The following ABCB5 variants were observed in gnomAD, a reference collection of about 807,000 sequenced individuals.
The protein encoded by ABCB5 is ATP-binding cassette sub-family B member 5.
In ABCB5, 155 loss-of-function variants were observed where a neutral mutation model predicts 144.2. The ratio of observed to expected loss-of-function variants is 1.08; its 90% CI spans 0.94 to 1.23. ABCB5 has a LOEUF of 1.23. Among genes scored for constraint, ABCB5 ranks in the 50% most tolerant of loss-of-function variants. The pLI is 0.00. For synonymous variants in ABCB5, 610 were observed against 528.6 expected, an observed-to-expected ratio of 1.15 and a Z score of -2.11; for missense variants, 1,830 against 1,520.8, an observed-to-expected ratio of 1.20 and a Z score of -3.38.
intron 26 of ABCB5, among the ~76,000 whole-genome samples, chr7:20,750,842 C>T (rs936811649): frequency 6.6e-6 from 1 of 152,048 alleles, no homozygotes; most frequent in African/African-American, 2.4e-5. Flanking sequence ...TAGAAATATC[C>T]CACAGGCATT....
At position 20,637,330 on chromosome 7, in the gene ABCB5, C is replaced by G. The variant is rs570043261; in HGVS notation, c.314+5217C>G. Among the ~76,000 whole-genome samples the G allele has an allele frequency of 4.6e-5, 7 of 152,210 alleles. No individual in the cohort carries two copies. In the East Asian group the frequency reaches 1.3e-3, roughly 29 times the overall value. ...CTAAAAATAGTTGAATCTTTTCTTG[C>G]TGACTCCAGACTGAAATGACTAAAT... On this transcript the variant is annotated intron_variant, in intron 5 of 27. Transcript: ENST00000404938.
intron 23 of ABCB5, among the ~76,000 whole-genome samples, chr7:20,733,495 A>G (rs551044736): frequency 6.6e-6 from 1 of 152,204 alleles, no homozygotes; most frequent in South Asian, 2.1e-4. Flanking sequence ...TAACTATCAG[A>G]ACATATGAAG....
rs869158355 is a variant in ABCB5 at position 20,681,058 on chromosome 7, CTCTTTCTTTCTTTCTTTCTT to C, written c.1708-397_1708-378del. On this transcript the variant is annotated intron_variant, in intron 14 of 27. Coordinates refer to ENST00000404938, the MANE Select transcript of ABCB5 (RefSeq NM_001163941.2). Reference sequence around the variant, plus strand: ...TCTCTTTCTTTCTTTCTCTCTCTCTCTCTTTCTTTCTTTCTTTCTTTCTTTCTTTCTTTCTTTCTTTCTTT... The same window carrying C: ...TCTCTTTCTTTCTTTCTCTCTCTCTCTCTTTCTTTCTTTCTTTCTTTCTTT... 4.2e-4 allele frequency among the ~76,000 whole-genome samples: 20 copies of C among 47,588 alleles called. 1 individual carries two copies. The highest frequency in any genetic ancestry group is 2.9e-3 in the South Asian group (3 of 1,030). The allele number at this position is 47,588 out of a possible 152,430, so 31.2% of individuals were successfully genotyped here. A position where few individuals can be genotyped will look rare whatever the true frequency, so the allele number is the denominator to read the frequency against.
chr7:20,628,985 T>C (rs1783971524), intron 4 of ABCB5, 147 bp downstream of exon 4: 1 of 904,392 alleles, frequency 1.1e-6, no homozygotes, highest in Admixed American at 3.1e-5. Flanking sequence ...GCCATATTGC[T>C]GGGCACTAAA....
chr7:20,710,724 T>C (rs1787000618), intron 20 of ABCB5, among the ~76,000 whole-genome samples: 1 of 150,046 alleles, frequency 6.7e-6, no homozygotes, highest in South Asian at 2.2e-4. Context: ...AGGCAGCATA[T>C]AAGTCTCTTT....
intron 20 of ABCB5, among the ~76,000 whole-genome samples, chr7:20,713,202 C>G (rs1781552812): frequency 6.8e-6 from 1 of 147,930 alleles, no homozygotes; most frequent in African/African-American, 2.5e-5. Context: ...TTATCCTTAT[C>G]ATAGGTCTTA....
At chr7:20,755,081 C>G (rs796379067) in intron 27 of ABCB5, among the ~76,000 whole-genome samples, 19 of 152,234 alleles carry the variant, frequency 1.2e-4, no homozygotes, top group African/African-American at 4.6e-4. Context: ...TCCCAAATAG[C>G]TCGGATTACA....
At chr7:20,729,967 T>C (rs74896705) in intron 23 of ABCB5, among the ~76,000 whole-genome samples, 1,963 of 152,348 alleles carry the variant, frequency 0.013, 34 homozygotes, top group African/African-American at 0.04. Context: ...CAAAAGACAT[T>C]TAAACCTAAG....
intron 5 of ABCB5, among the ~76,000 whole-genome samples, chr7:20,637,314 G>A (rs148291973): frequency 1.3e-5 from 2 of 152,196 alleles, no homozygotes; most frequent in East Asian, 3.9e-4. Flanking sequence ...TCTAAAAATA[G>A]TTGAATCTTT....
At chr7:20,689,436 C>T (rs1786130835) in intron 16 of ABCB5, among the ~76,000 whole-genome samples, 1 of 152,146 alleles carries the variant, frequency 6.6e-6, no homozygotes, top group African/African-American at 2.4e-5. Flanking sequence ...AACTACTGGC[C>T]ACTGAGCACT....
intron 2 of ABCB5, among the ~76,000 whole-genome samples, 191 bp downstream of exon 2, chr7:20,623,529 T>C (rs535628111): frequency 4.7e-4 from 72 of 152,300 alleles, no homozygotes; most frequent in African/African-American, 1.7e-3. Context: ...ATAGGATTAA[T>C]TGTAATAGGA....
chr7:20,718,954 A>G (rs1051861068), intron 20 of ABCB5, among the ~76,000 whole-genome samples: 17 of 152,160 alleles, frequency 1.1e-4, no homozygotes, highest in African/African-American at 4.1e-4. Flanking sequence ...TGTTCATTAC[A>G]TCTTTATTTT....
intron 5 of ABCB5, among the ~76,000 whole-genome samples, chr7:20,632,726 T>C (rs1029949288): frequency 6.6e-6 from 1 of 151,900 alleles, no homozygotes; most frequent in Admixed American, 6.6e-5. Flanking sequence ...ATGGATGAAA[T>C]TGGAAATCAT....
chr7:20,741,371 G>A (rs754596374), intron 24 of ABCB5, among the ~76,000 whole-genome samples: 9 of 151,616 alleles, frequency 5.9e-5, no homozygotes, highest in South Asian at 4.2e-4. Context: ...ATGTTTCTGC[G>A]GTATTCTGTT....
chr7:20,640,700 G>C (rs966380114), intron 5 of ABCB5, among the ~76,000 whole-genome samples: 1 of 152,146 alleles, frequency 6.6e-6, no homozygotes, highest in African/African-American at 2.4e-5. Flanking sequence ...CTCTGTGCAT[G>C]TCCATAAATA....
chr7:20,717,883 CTTTTTTTTTTT>C (rs574592723), intron 20 of ABCB5, among the ~76,000 whole-genome samples: 243 of 43,198 alleles, frequency 5.6e-3, no homozygotes, highest in African/African-American at 0.017. Context: ...TTGTAACATT[CTTTTTTTTTTT>C]TTTTTTTTTT....
chr7:20,668,063 GGCTC>G (rs1370721888), intron 14 of ABCB5, among the ~76,000 whole-genome samples: 15 of 94,416 alleles, frequency 1.6e-4, no homozygotes, highest in Admixed American at 1.1e-3. Flanking sequence ...GCGTGATCTC[GGCTC>G]GCTACAACCT....
rs1562561755 is a variant in ABCB5, at chr7:20,685,731, G to T, written c.1905G>T (p.Met635Ile). 1 of 1,612,490 alleles carries T rather than the reference G, an allele frequency of 6.2e-7. No individual in the cohort carries two copies. ...IKKADEQMESMTYSTERKTNS... is the reference protein window; with the variant it reads ...IKKADEQMESITYSTERKTNS... Reference sequence around the variant, plus strand: ...AAGCTGATGAACAGATGGAGTCAATGACATATTCTACTGAAAGAAAGACCA... The same window carrying T: ...AAGCTGATGAACAGATGGAGTCAATTACATATTCTACTGAAAGAAAGACCA... The change falls in exon 16 of 28, where the codon ATG (methionine) becomes ATT (isoleucine). Residue 635 changes from methionine to isoleucine, a missense_variant. Physicochemically the swap from Met to Ile is conservative, Grantham distance 10. Coordinates refer to ENST00000404938, the MANE Select transcript of ABCB5 (RefSeq NM_001163941.2).
intron 7 of ABCB5, among the ~76,000 whole-genome samples, chr7:20,644,675 G>C (rs780803196): frequency 1.3e-5 from 2 of 152,094 alleles, no homozygotes; most frequent in African/African-American, 4.8e-5. Context: ...TTCTAGATAG[G>C]AGGCACAGTG....
Sources: allele counts gnomAD v4.1 joint callset (sites outside exome capture counted in the v4.1 genomes callset), GRCh38; gene constraint gnomAD v4.1.1; transcripts MANE v1.5; gene names NCBI Gene and HGNC (gene_info 2026-07-23, HGNC 2026-07-21).